SIK3: variants seen among roughly 807,000 people sequenced by gnomAD.
SIK3 encodes serine/threonine-protein kinase SIK3.
Under a neutral mutation model 144.2 loss-of-function variants are expected in SIK3, and 28 were observed. The ratio of observed to expected loss-of-function variants is 0.19; its 90% CI spans 0.14 to 0.27. The LOEUF (loss-of-function observed/expected upper bound fraction) is 0.27, where lower values mean the gene tolerates loss of function less well. SIK3 is among the 10% of genes least tolerant of loss of function. SIK3 has a pLI of 1.00. For missense variants in SIK3, 1,319 were observed against 1,776.0 expected, an observed-to-expected ratio of 0.74 and a Z score of 4.62; for synonymous variants, 686 against 676.3, an observed-to-expected ratio of 1.01 and a Z score of -0.22.
intron 6 of SIK3, among the ~76,000 whole-genome samples, chr11:116,879,761 CAA>C (rs1185051674): frequency 6.6e-6 from 1 of 152,196 alleles, no homozygotes; most frequent in Non-Finnish European, 1.5e-5. Context: ...GTGTACATCT[CAA>C]AGACTTCTAC....
chr11:117,087,162 G>A lies in SIK3; in HGVS notation c.273+10981C>T, dbSNP rs111997056. 2.4e-3 allele frequency among the ~76,000 whole-genome samples: 362 copies of A among 152,172 alleles called. 1 individual carries two copies. The highest frequency in any genetic ancestry group is 4.2e-3 in the South Asian group (20 of 4,816). ...AGCAAGTAAAAGGTGAGACTTGGCC[G>A]GGTGCGGTGGCTCATGCCTGTAATA... On this transcript the variant is annotated intron_variant, in intron 1 of 24. Transcript: ENST00000445177.
chr11:117,000,002 A>G (rs868421888), intron 1 of SIK3, among the ~76,000 whole-genome samples: 80 of 152,348 alleles, frequency 5.3e-4, no homozygotes, highest in Middle Eastern at 3.4e-3. Flanking sequence ...GCAAGTAAAA[A>G]AGAATGTAGT....
intron 4 of SIK3, among the ~76,000 whole-genome samples, chr11:116,921,532 T>C (rs1371088666): frequency 6.6e-6 from 1 of 152,198 alleles, no homozygotes; most frequent in Admixed American, 6.5e-5. Flanking sequence ...TTCTTTTTTT[T>C]TCTTTTTTCT....
chr11:116,961,252 A>G (rs573769831), intron 1 of SIK3, among the ~76,000 whole-genome samples: 1 of 152,328 alleles, frequency 6.6e-6, no homozygotes, highest in African/African-American at 2.4e-5. Flanking sequence ...TGGCAATGGC[A>G]TAACTGCCTG....
intron 1 of SIK3, among the ~76,000 whole-genome samples, chr11:117,025,011 G>A (rs1951951824): frequency 6.6e-6 from 1 of 152,010 alleles, no homozygotes; most frequent in South Asian, 2.1e-4. Context: ...TATATCAGAT[G>A]TCTTTCCACT....
At chr11:116,995,429 AATTTTTGT>A (rs1397043537) in intron 1 of SIK3, among the ~76,000 whole-genome samples, 2 of 151,658 alleles carry the variant, frequency 1.3e-5, no homozygotes, top group East Asian at 2.0e-4. Context: ...ACACCCAGCT[AATTTTTGT>A]ATTTTTGTAG....
chr11:116,849,376 G>T lies in SIK3; in HGVS notation c.3656-93C>A. 6.9e-7 allele frequency: 1 copy of T among 1,449,308 alleles called. No individual in the cohort carries two copies. The highest frequency in any genetic ancestry group is 9.5e-7 in the Non-Finnish European group (1 of 1,053,824). 89.8% of individuals were successfully genotyped at this position (1,449,308 alleles called of 1,614,324 possible). Reference sequence around the variant, plus strand: ...AGAAATGTCTTGCAAGGGACAATGGGCAAGGCTGAGGAGATCATGTACACC... The same window carrying T: ...AGAAATGTCTTGCAAGGGACAATGGTCAAGGCTGAGGAGATCATGTACACC... On this transcript the variant is annotated intron_variant, in intron 21 of 24. Coordinates refer to ENST00000445177, the MANE Select transcript of SIK3 (RefSeq NM_001366686.3). This position sits in a 1 kb window ranked among gnomAD's most constrained non-coding sequence, Gnocchi z 4.2.
chr11:116,882,446 C>G (rs917543646), intron 6 of SIK3, among the ~76,000 whole-genome samples: 1 of 152,172 alleles, frequency 6.6e-6, no homozygotes, highest in African/African-American at 2.4e-5. Flanking sequence ...ACTCTTCAGG[C>G]TGATCCTATG....
chr11:116,906,976 G>A (rs1946076074), intron 4 of SIK3, among the ~76,000 whole-genome samples: 1 of 152,160 alleles, frequency 6.6e-6, no homozygotes, highest in Non-Finnish European at 1.5e-5. Context: ...GAGCCCTGGA[G>A]GGAGCCATGT....
intron 1 of SIK3, among the ~76,000 whole-genome samples, chr11:117,051,215 G>A (rs1012592912): frequency 4.6e-5 from 7 of 151,950 alleles, no homozygotes; most frequent in African/African-American, 1.7e-4. Context: ...CTGGTTCTTG[G>A]GTCTTTGGAC....
intron 1 of SIK3, among the ~76,000 whole-genome samples, chr11:117,087,883 G>GAAATAAAATTATAATTATA (rs968598286): frequency 2.0e-5 from 3 of 152,060 alleles, no homozygotes; most frequent in African/African-American, 7.2e-5. Context: ...TGAAAAACTA[G>GAAATAAAATTATAATTATA]AAATAAAATT....
intron 1 of SIK3, among the ~76,000 whole-genome samples, chr11:116,975,354 C>T (rs1949910888): frequency 1.3e-5 from 2 of 152,072 alleles, no homozygotes; most frequent in African/African-American, 4.8e-5. Context: ...GCTGTCACTC[C>T]TCATTCCCCC....
At chr11:116,916,883 T>A (rs1946672349) in intron 4 of SIK3, among the ~76,000 whole-genome samples, 1 of 151,802 alleles carries the variant, frequency 6.6e-6, no homozygotes, top group African/African-American at 2.4e-5. Context: ...GGCAGGAAGA[T>A]CACTTGAGCT....
intron 3 of SIK3, among the ~76,000 whole-genome samples, chr11:116,927,858 CAG>C (rs150537254): frequency 0.025 from 3,823 of 152,260 alleles, 145 homozygotes; most frequent in East Asian, 0.19. Flanking sequence ...AACTCCTCGA[CAG>C]AGCACTCTGT....
chr11:116,964,076 A>G (rs1217763326), intron 1 of SIK3, among the ~76,000 whole-genome samples: 2 of 152,164 alleles, frequency 1.3e-5, no homozygotes, highest in African/African-American at 4.8e-5. Flanking sequence ...TGACACGACC[A>G]TAGCTCGCTG....
Position 116,858,666 on chromosome 11 carries a change from G to A in SIK3, c.2799C>T (p.Tyr933=), listed in dbSNP as rs373522859. 48 of 1,563,668 alleles carry A rather than the reference G, an allele frequency of 3.1e-5. No homozygotes were observed. Among genetic ancestry groups the A allele is most frequent in the Non-Finnish European group, 2.7e-5 (31 of 1,154,580 alleles). The change falls in exon 21 of 25, where the codon TAC becomes TAT. Residue 933 remains tyrosine (Y), a synonymous_variant. Coordinates refer to ENST00000445177, the MANE Select transcript of SIK3 (RefSeq NM_001366686.3). This position sits in a 1 kb window ranked among gnomAD's most constrained non-coding sequence, Gnocchi z 5.4. ...LNVNRFSPAN[Y]DQAHLHPHLF... is the part of the protein sequence containing the mutation. ...GATGGGGGTGTAAATGCGCCTGGTC[G>A]TAGTTAGCAGGGGAGAACCGATTCA...
At chr11:116,860,146 G>A (rs369253158) in intron 19 of SIK3, among the ~76,000 whole-genome samples, 2 of 152,140 alleles carry the variant, frequency 1.3e-5, no homozygotes, top group African/African-American at 4.8e-5. Context: ...TTGGGAGGCT[G>A]AGGCAGGAGA....
At chr11:116,868,123 AAGAC>A (rs994758002) in intron 14 of SIK3, 34 bp from the exon 15 acceptor site, 1 of 1,550,424 alleles carries the variant, frequency 6.4e-7, no homozygotes, top group African/African-American at 1.4e-5. Flanking sequence ...CATAGTAAAA[AAGAC>A]AGACAGGAAT....
At chr11:116,915,124 ATGTGTGTGTGTGTGTG>A (rs35059138) in intron 4 of SIK3, among the ~76,000 whole-genome samples, 1 of 129,928 alleles carries the variant, frequency 7.7e-6, no homozygotes, top group African/African-American at 2.8e-5. Context: ...GAAGCCATAT[ATGTGTGTGTGTGTGTG>A]TGTGTGTGTG....
Sources: gnomAD v4.1 joint callset for allele counts (sites outside exome capture counted in the v4.1 genomes callset) on GRCh38, gnomAD v4.1.1 for gene constraint, Gnocchi (gnomAD v3.1) non-coding constraint, MANE v1.5 for transcripts, NCBI Gene and HGNC (gene_info 2026-07-23, HGNC 2026-07-21) for gene names.